DPYD: variants seen among roughly 807,000 people sequenced by gnomAD.
DPYD encodes the protein dihydropyrimidine dehydrogenase [NADP(+)].
In DPYD, 109 loss-of-function variants were observed where a neutral mutation model predicts 116.2. The ratio of observed to expected loss-of-function variants is 0.94; its 90% CI spans 0.80 to 1.10. DPYD has a LOEUF of 1.10. DPYD is among the 50% of genes least tolerant of loss of function. The pLI, the probability that DPYD is intolerant of heterozygous loss-of-function variation, is 0.00. For synonymous variants in DPYD, 440 were observed against 432.0 expected (o/e 1.02, Z -0.23); for missense variants, 1,302 against 1,254.5 (o/e 1.04, Z -0.57).
intron 8 of DPYD, among the ~76,000 whole-genome samples, chr1:97,643,747 G>A (rs995879498): frequency 7.9e-5 from 12 of 152,174 alleles, no homozygotes; most frequent in Admixed American, 7.2e-4. Context: ...GGAATACTAT[G>A]CAGCCATAAA....
intron 2 of DPYD, among the ~76,000 whole-genome samples, chr1:97,838,144 T>G (rs570748315): frequency 4.1e-4 from 63 of 152,326 alleles, no homozygotes; most frequent in Non-Finnish European, 4.4e-4. Flanking sequence ...TCAGTAATCA[T>G]GTTAAAAACA....
intron 16 of DPYD, among the ~76,000 whole-genome samples, chr1:97,373,055 G>T (rs1005641842): frequency 3.3e-5 from 5 of 152,148 alleles, no homozygotes; most frequent in Admixed American, 1.3e-4. Flanking sequence ...TAGTATGAAG[G>T]TTCCATTTAT....
intron 1 of DPYD, chr1:97,883,946 A>G: frequency 2.4e-6 from 1 of 421,426 alleles, no homozygotes; most frequent in Non-Finnish European, 4.5e-6. Flanking sequence ...AAAGTTCAGT[A>G]TGGGAAAATC....
rs66598688 is a variant in DPYD at position 97,376,865 on chromosome 1, T to TTGTGTGTGTGTGTGTG, written c.1975-3237_1975-3222dup. On this transcript the variant is annotated intron_variant, in intron 15 of 22. Coordinates refer to ENST00000370192, the MANE Select transcript of DPYD (RefSeq NM_000110.4). The stretch of plus-strand genomic sequence containing the variant: ...TCTATACACAGTAGAAAGAGAGAGT[T>TTGTGTGTGTGTGTGTG]TGTGTGTGTGTGTGTGTGTGTGTAT... Among the ~76,000 whole-genome samples the TTGTGTGTGTGTGTGTG allele has an allele frequency of 4.5e-4, 60 of 134,606 alleles. 2 individuals are homozygous for TTGTGTGTGTGTGTGTG. Among genetic ancestry groups the TTGTGTGTGTGTGTGTG allele is most frequent in the Admixed American group, 3.6e-3 (46 of 12,678 alleles). 88.3% of individuals were successfully genotyped at this position (134,606 alleles called of 152,430 possible). A position where few individuals can be genotyped will look rare whatever the true frequency, so the allele number is the denominator to read the frequency against.
chr1:97,269,311 C>T (rs1432522196), intron 18 of DPYD, among the ~76,000 whole-genome samples: 1 of 152,146 alleles, frequency 6.6e-6, no homozygotes, highest in Non-Finnish European at 1.5e-5. Context: ...TAGGCTCTCC[C>T]TGTAGCTCTT....
chr1:97,574,065 A>C, intron 10 of DPYD, 95 bp from the exon 11 acceptor site: 3 of 1,541,382 alleles, frequency 1.9e-6, no homozygotes. Flanking sequence ...AAAGCTTATG[A>C]TATTAAGTCA....
At chr1:97,106,699 C>A (rs1651179544) in intron 20 of DPYD, among the ~76,000 whole-genome samples, 1 of 152,088 alleles carries the variant, frequency 6.6e-6, no homozygotes, top group Non-Finnish European at 1.5e-5. Flanking sequence ...AGTTTTTAGG[C>A]CTTCAGAGTC....
chr1:97,822,608 T>A (rs1163397698), intron 3 of DPYD, among the ~76,000 whole-genome samples: 2 of 152,012 alleles, frequency 1.3e-5, no homozygotes. Flanking sequence ...AAAAAAAGTA[T>A]GTTTGTTTTA....
chr1:97,426,096 A>G (rs1674852960), intron 14 of DPYD, among the ~76,000 whole-genome samples: 1 of 152,070 alleles, frequency 6.6e-6, no homozygotes, highest in African/African-American at 2.4e-5. Context: ...TTCATTAAAT[A>G]TAGGCTGGAA....
chr1:97,434,819 T>C (rs184736354), intron 14 of DPYD, among the ~76,000 whole-genome samples: 16 of 152,170 alleles, frequency 1.1e-4, no homozygotes, highest in African/African-American at 3.8e-4. Context: ...GGTCAGATGT[T>C]CTGTGTTCAA....
At chr1:97,559,125 T>C (rs747843261) in intron 11 of DPYD, among the ~76,000 whole-genome samples, 3 of 152,078 alleles carry the variant, frequency 2.0e-5, no homozygotes, top group Non-Finnish European at 2.9e-5. Flanking sequence ...AATTATGAGA[T>C]AGTGAAAAAA....
intron 20 of DPYD, among the ~76,000 whole-genome samples, chr1:97,114,333 T>C (rs1011720950): frequency 4.6e-5 from 7 of 152,256 alleles, no homozygotes; most frequent in Non-Finnish European, 7.4e-5. Flanking sequence ...AGGTATGTGG[T>C]GCTAAAGAAT....
intron 13 of DPYD, among the ~76,000 whole-genome samples, chr1:97,473,558 G>C (rs1006463201): frequency 1.3e-5 from 2 of 152,118 alleles, no homozygotes; most frequent in Non-Finnish European, 2.9e-5. Flanking sequence ...CAATCACCAG[G>C]GGAATGCAAT....
rs77637576 is a variant in DPYD at position 97,331,942 on chromosome 1, T to G, written c.2059-25645A>C. ...TATTAACGGGATATTCTCATCACTGTTTTATCTATTATCCAGAAACTTTTA... is the reference window on the plus strand; with the variant it reads ...TATTAACGGGATATTCTCATCACTGGTTTATCTATTATCCAGAAACTTTTA... On this transcript the variant is annotated intron_variant, in intron 16 of 22. Coordinates refer to ENST00000370192, the MANE Select transcript of DPYD (RefSeq NM_000110.4). Among the ~76,000 whole-genome samples, 39 of 152,328 alleles carry G rather than the reference T, an allele frequency of 2.6e-4. No individual in the cohort carries two copies. The East Asian group carries it at 7.5e-3, about 29-fold the overall frequency.
chr1:97,256,975 A>G (rs372334084), intron 18 of DPYD, among the ~76,000 whole-genome samples: 6 of 152,132 alleles, frequency 3.9e-5, no homozygotes, highest in Non-Finnish European at 8.8e-5. Flanking sequence ...CACACTACGC[A>G]ATGATTACCA....
intron 14 of DPYD, among the ~76,000 whole-genome samples, chr1:97,408,834 A>C (rs1673816164): frequency 6.6e-6 from 1 of 152,188 alleles, no homozygotes; most frequent in Non-Finnish European, 1.5e-5. Context: ...TCCGGCCTTC[A>C]GTCTCATGCT....
chr1:97,498,072 A>G (rs1679368200), intron 13 of DPYD, among the ~76,000 whole-genome samples: 1 of 151,812 alleles, frequency 6.6e-6, no homozygotes, highest in African/African-American at 2.4e-5. Flanking sequence ...TTAAAGTCAT[A>G]TATTATATGA....
intron 14 of DPYD, among the ~76,000 whole-genome samples, chr1:97,384,246 G>A (rs372710097): frequency 1.4e-3 from 189 of 138,448 alleles, no homozygotes; most frequent in Non-Finnish European, 1.4e-3. Context: ...TTTACTTTGA[G>A]AAAAAAAAAA....
chr1:97,291,060 T>C (rs1233456113), intron 18 of DPYD, among the ~76,000 whole-genome samples: 1 of 152,222 alleles, frequency 6.6e-6, no homozygotes, highest in African/African-American at 2.4e-5. Context: ...AGAAGACATT[T>C]ATGCAGCCAT....
Sources: allele counts gnomAD v4.1 joint callset (sites outside exome capture counted in the v4.1 genomes callset), GRCh38; gene constraint gnomAD v4.1.1; transcripts MANE v1.5; gene names NCBI Gene and HGNC (gene_info 2026-07-23, HGNC 2026-07-21).